The following GMNC variants were observed in gnomAD, a reference collection of about 807,000 sequenced individuals.
GMNC encodes geminin coiled-coil domain containing, also known as geminin coiled-coil domain-containing protein 1.
Under a neutral mutation model 33.6 loss-of-function variants are expected in GMNC, and 16 were observed. That is an observed-to-expected ratio of 0.48 (90% CI 0.32 to 0.72). The LOEUF (loss-of-function observed/expected upper bound fraction) is 0.72, where lower values mean the gene tolerates loss of function less well. GMNC is among the 30% of genes least tolerant of loss of function. The pLI is 0.03. For synonymous variants in GMNC, 156 were observed against 147.3 expected, an observed-to-expected ratio of 1.06 and a Z score of -0.43; for missense variants, 393 against 388.9, an observed-to-expected ratio of 1.01 and a Z score of -0.09.
chr3:190,860,773 C>G lies in GMNC; in HGVS notation c.89G>C (p.Ser30Thr). 4.5e-6 allele frequency: 7 copies of G among 1,551,352 alleles called. No individual in the cohort carries two copies. Among genetic ancestry groups the G allele is most frequent in the Non-Finnish European group, 6.1e-6 (7 of 1,146,758 alleles). The change falls in exon 2 of 5, where the codon AGT becomes ACT. Residue 30 changes from serine to threonine, a missense_variant. Coordinates refer to ENST00000442080, the MANE Select transcript of GMNC (RefSeq NM_001146686.3). ...CCAAGTCTCCGTGGAAACGTCAACA[C>G]TAGATTCTGACGTTGTAGTGGAATA... ...CPYSTTTSESSVDVSTETWVS... is the reference protein window; with the variant it reads ...CPYSTTTSESTVDVSTETWVS...
rs1182343195 is a variant in GMNC at position 190,855,453 on chromosome 3, T to C, written c.847A>G (p.Thr283Ala). The C allele has an allele frequency of 1.3e-6, 2 of 1,551,810 alleles. No homozygotes were observed. Among genetic ancestry groups the C allele is most frequent in the Admixed American group, 3.9e-5 (2 of 50,968 alleles). Residue 283 changes from threonine (T) to alanine (A), a missense_variant, in exon 5 of 5, where the codon ACT becomes GCT. By Grantham distance (58) the Thr-to-Ala change is moderately conservative (BLOSUM62 0). Coordinates refer to ENST00000442080, the MANE Select transcript of GMNC (RefSeq NM_001146686.3). ...PVGLKTLPYY[T>A]AHVSPNKTEM... is the part of the protein sequence containing the mutation. ...GTCTTGTTGGGTGACACATGAGCAG[T>C]ATAGTAAGGAAGAGTTTTCAGCCCC...
Position 190,857,838 on chromosome 3 carries a change from T to G in GMNC, c.329A>C (p.His110Pro). ...ELARLHEENN[H>P]LRQYLNSALV... ...AGCAGAATTCAGGTATTGTCTGAGG[T>G]GATTATTCTCTTCGTGTAACCTGGC... is the stretch of plus-strand genomic sequence containing the variant. The change falls in exon 4 of 5, where the codon CAC becomes CCC. Residue 110 changes from histidine to proline, a missense_variant. Coordinates refer to ENST00000442080, the MANE Select transcript of GMNC (RefSeq NM_001146686.3). 1.3e-6 allele frequency: 2 copies of G among 1,551,188 alleles called. No individual in the cohort carries two copies. Among genetic ancestry groups the G allele is most frequent in the Non-Finnish European group, 8.7e-7 (1 of 1,146,494 alleles).
chr3:190,857,442 G>T (rs1165491967), intron 4 of GMNC, among the ~76,000 whole-genome samples: 2 of 152,074 alleles, frequency 1.3e-5, no homozygotes, highest in Non-Finnish European at 2.9e-5. Context: ...ATCATTAAAA[G>T]AACTGAGTGT....
chr3:190,862,251 T>A lies in GMNC; in HGVS notation c.3+362A>T, dbSNP rs111752663. 0.014 allele frequency among the ~76,000 whole-genome samples: 2,114 copies of A among 152,194 alleles called. 51 individuals are homozygous for A. Among genetic ancestry groups the A allele is most frequent in the African/African-American group, 0.049 (2,020 of 41,510 alleles). On this transcript the variant is annotated intron_variant, in intron 1 of 4. Coordinates refer to ENST00000442080, the MANE Select transcript of GMNC (RefSeq NM_001146686.3). This position sits in a 1 kb window ranked among gnomAD's most constrained non-coding sequence, Gnocchi z 4.5. ...CTTCAAATATCCCTAGACAAGTTCA[T>A]GTCCAAGTGTTTGCAAATATATGCA...
In GMNC at chr3:190,856,722, CTA is replaced by C. The variant is rs1027701472; in HGVS notation, c.385-809_385-808del. On this transcript the variant is annotated intron_variant, in intron 4 of 4. Transcript: ENST00000442080. Reference sequence around the variant, plus strand: ...TCTACACAGATCCTCTGATTAAACACTATACAACACTGCTTCTTCTTATTTCA... The same window carrying C: ...TCTACACAGATCCTCTGATTAAACACTACAACACTGCTTCTTCTTATTTCA... Among the ~76,000 whole-genome samples the C allele has an allele frequency of 1.6e-4, 24 of 151,666 alleles. No individual in the cohort carries two copies. In the South Asian group the frequency reaches 2.7e-3, roughly 17 times the overall value.
chr3:190,851,203 T>G (rs1466658876), downstream of GMNC, among the ~76,000 whole-genome samples: 1 of 152,224 alleles, frequency 6.6e-6, no homozygotes, highest in East Asian at 1.9e-4. Flanking sequence ...TCATAATTCC[T>G]CATGGTATAA....
chr3:190,855,136 C>G lies in GMNC; in HGVS notation c.*159G>C. On this transcript the variant is annotated 3_prime_UTR_variant, in exon 5 of 5. Coordinates refer to ENST00000442080, the MANE Select transcript of GMNC (RefSeq NM_001146686.3). ...CGTTTCATTATGGATTCTTGGAAGC[C>G]ATTCCCTGCAGATTTAAGTGGGTAA... 1.4e-6 allele frequency: 1 copy of G among 719,266 alleles called. No homozygotes were observed. Among genetic ancestry groups the G allele is most frequent in the Non-Finnish European group, 2.2e-6 (1 of 446,920 alleles). 44.6% of individuals were successfully genotyped at this position (719,266 alleles called of 1,614,324 possible).
chr3:190,857,778 C>T lies in GMNC; in HGVS notation c.384+5G>A, dbSNP rs1737779058. ...TTATAAAGTAGATACATACATCATA[C>T]ATACCTTGGCCTTTTCTTCAAGACA... On this transcript the variant is annotated splice_donor_5th_base_variant and intron_variant, in intron 4 of 4. Coordinates refer to ENST00000442080, the MANE Select transcript of GMNC (RefSeq NM_001146686.3). The T allele has an allele frequency of 1.4e-6, 2 of 1,380,610 alleles. No individual in the cohort carries two copies. The highest frequency in any genetic ancestry group is 2.0e-6 in the Non-Finnish European group (2 of 990,754). 85.5% of individuals were successfully genotyped at this position (1,380,610 alleles called of 1,614,324 possible).
rs2108528927 is a variant in GMNC, at chr3:190,853,018, A to C, written c.*2277T>G. On this transcript the variant is annotated 3_prime_UTR_variant, in exon 5 of 5. Coordinates refer to ENST00000442080, the MANE Select transcript of GMNC (RefSeq NM_001146686.3). ...CATAACATCGTCCATGATAGAAGCC[A>C]GGAAACCATCACATTTTATCCCAAA... The C allele has an allele frequency of 6.6e-6, 1 of 152,268 alleles. No homozygotes were observed. Among genetic ancestry groups the C allele is most frequent in the East Asian group, 1.9e-4 (1 of 5,188 alleles). 9.4% of individuals were successfully genotyped at this position (152,268 alleles called of 1,614,324 possible).
intron 1 of GMNC, 38 bp from the exon 2 acceptor site, chr3:190,860,896 A>C (rs556539947): frequency 6.9e-7 from 1 of 1,452,196 alleles, no homozygotes; most frequent in East Asian, 2.5e-5. Context: ...GGGGTCCCAA[A>C]AGATGGGGTG....
chr3:190,850,677 G>A (rs73192248), downstream of GMNC, among the ~76,000 whole-genome samples: 2 of 152,124 alleles, frequency 1.3e-5, no homozygotes, highest in African/African-American at 4.8e-5. Context: ...GTGTCCGCGA[G>A]CCTAATCTTT....
At chr3:190,846,461 T>C in the GMNC span, among the ~76,000 whole-genome samples, 1 of 152,206 alleles carries the variant, frequency 6.6e-6, no homozygotes, top group East Asian at 1.9e-4. Flanking sequence ...CATATACATA[T>C]GTGTGTATAT....
chr3:190,860,754 C>T lies in GMNC; in HGVS notation c.108G>A (p.Glu36=), dbSNP rs1271741891. 12 of 1,551,486 alleles carry T rather than the reference C, an allele frequency of 7.7e-6. No individual in the cohort carries two copies. Among genetic ancestry groups the T allele is most frequent in the African/African-American group, 1.4e-5 (1 of 73,024 alleles). Residue 36 remains glutamate (E), a synonymous_variant, in exon 2 of 5, where the codon GAG becomes GAA. Transcript: ENST00000442080. ...CAGCAGCCCAGAAAGAGACCCAAGT[C>T]TCCGTGGAAACGTCAACACTAGATT... is the stretch of plus-strand genomic sequence containing the variant. ...TSESSVDVST[E]TWVSFWAAGL...
Position 190,859,078 on chromosome 3 carries a change from C to G in GMNC, c.179-62G>C, listed in dbSNP as rs1737808937. ...TTGTAGTTTCTGTGTAATAAAGAAA[C>G]TTATCAAATCAAATCAGAAAGTTTA... is the stretch of plus-strand genomic sequence containing the variant. On this transcript the variant is annotated intron_variant, in intron 2 of 4. Transcript: ENST00000442080. The G allele has an allele frequency of 3.0e-6, 3 of 1,010,776 alleles. No individual in the cohort carries two copies. The African/African-American group carries it at 4.9e-5, about 16-fold the overall frequency. 62.6% of individuals were successfully genotyped at this position (1,010,776 alleles called of 1,614,324 possible).
At chr3:190,857,760 G>T in intron 4 of GMNC, 23 bp downstream of exon 4, 1 of 1,126,374 alleles carries the variant, frequency 8.9e-7, no homozygotes, top group Non-Finnish European at 1.3e-6. Context: ...TTCTTATAAA[G>T]TAGATACATA....
At chr3:190,848,321 T>TA (rs1292881465), downstream of GMNC, among the ~76,000 whole-genome samples, 7 of 152,230 alleles carry the variant, frequency 4.6e-5, no homozygotes, top group Admixed American at 3.9e-4. Flanking sequence ...CTGGAAAAGT[T>TA]ACCATTCTCT....
At chr3:190,844,545 G>T in the GMNC span, among the ~76,000 whole-genome samples, 48 of 148,160 alleles carry the variant, frequency 3.2e-4, no homozygotes, top group African/African-American at 7.6e-4. Flanking sequence ...TATGTTATTA[G>T]GGAATCCTTT....
At position 190,860,723 on chromosome 3, in the gene GMNC, G is replaced by C; in HGVS notation, c.139C>G (p.Leu47Val). ...GCTTGTTGGAGCTCTCTGTTGTCCA[G>C]GAGACCAGCAGCCCAGAAAGAGACC... ...TWVSFWAAGL[L>V]DNRELQQAPQ... The change falls in exon 2 of 5, where the codon CTG (leucine) becomes GTG (valine). Residue 47 changes from leucine (L) to valine (V), a missense_variant. Coordinates refer to ENST00000442080, the MANE Select transcript of GMNC (RefSeq NM_001146686.3). 1 of 1,551,418 alleles carries C rather than the reference G, an allele frequency of 6.4e-7. No homozygotes were observed. Among genetic ancestry groups the C allele is most frequent in the South Asian group, 1.2e-5 (1 of 84,042 alleles).
At chr3:190,860,308 C>A (rs1285826063) in intron 2 of GMNC, among the ~76,000 whole-genome samples, 2 of 152,216 alleles carry the variant, frequency 1.3e-5, no homozygotes, top group Non-Finnish European at 2.9e-5. Context: ...GCTTTTCTCT[C>A]AAACTCAGGG....
Sources: allele counts gnomAD v4.1 joint callset (sites outside exome capture counted in the v4.1 genomes callset), GRCh38; gene constraint gnomAD v4.1.1; non-coding constraint Gnocchi (gnomAD v3.1); transcripts MANE v1.5; gene names NCBI Gene and HGNC (gene_info 2026-07-23, HGNC 2026-07-21).